NUBPL: variants seen among roughly 807,000 people sequenced by gnomAD.
The protein encoded by NUBPL is iron-sulfur cluster transfer protein NUBPL.
A neutral mutation model predicts 45.7 loss-of-function variants in NUBPL; 31 were observed. The observed-to-expected ratio is 0.68, with a 90% CI of 0.51 to 0.92. NUBPL has a LOEUF of 0.92. NUBPL is among the 40% of genes least tolerant of loss of function. NUBPL has a pLI of 0.00. For synonymous variants in NUBPL, 144 were observed against 140.9 expected (o/e 1.02, Z -0.15); for missense variants, 401 against 398.7 (o/e 1.01, Z -0.05).
chr14:31,697,044 A>G (rs1317275859), intron 6 of NUBPL, among the ~76,000 whole-genome samples: 1 of 152,238 alleles, frequency 6.6e-6, no homozygotes, highest in East Asian at 1.9e-4. Context: ...TTCAAATATA[A>G]AGCAAAGATG....
intron 4 of NUBPL, among the ~76,000 whole-genome samples, chr14:31,627,083 C>T (rs927885851): frequency 1.3e-5 from 2 of 152,150 alleles, no homozygotes; most frequent in Admixed American, 6.5e-5. Flanking sequence ...GAACAAAGTA[C>T]TTTAAACTCT....
intron 4 of NUBPL, among the ~76,000 whole-genome samples, chr14:31,604,636 T>C (rs988155824): frequency 1.3e-5 from 2 of 152,188 alleles, no homozygotes; most frequent in African/African-American, 4.8e-5. Flanking sequence ...TGACAATTTG[T>C]TCATTTTAAA....
chr14:31,659,527 G>C lies in NUBPL; in HGVS notation c.383-13828G>C, dbSNP rs1023421468. 2.0e-5 allele frequency among the ~76,000 whole-genome samples: 3 copies of C among 152,256 alleles called. No homozygotes were observed. In the East Asian group the frequency reaches 5.8e-4, roughly 29 times the overall value. On this transcript the variant is annotated intron_variant, in intron 4 of 10. Coordinates refer to ENST00000281081, the MANE Select transcript of NUBPL (RefSeq NM_025152.3). The stretch of plus-strand genomic sequence containing the variant: ...TTTATTATCTTTACTTTAAGTCCTA[G>C]TATGTCTTATTTGTTTCTAGCCTTC...
rs181976285 is a variant in NUBPL, at chr14:31,856,862, G to A, written c.898-2256G>A. On this transcript the variant is annotated intron_variant, in intron 10 of 10. Transcript: ENST00000281081. ...TAGCCTCCCTCCCGGCTGCCTTCAT[G>A]GTTTGGCGTTGAGTTTCTGCAGCTT... Among the ~76,000 whole-genome samples, 584 of 152,256 alleles carry A rather than the reference G, an allele frequency of 3.8e-3. 1 individual carries two copies. The highest frequency in any genetic ancestry group is 5.7e-3 in the Non-Finnish European group (388 of 68,020).
At chr14:31,834,178 C>CTTTTTTTTTTT in intron 8 of NUBPL, among the ~76,000 whole-genome samples, 1 of 107,018 alleles carries the variant, frequency 9.3e-6, no homozygotes, top group Non-Finnish European at 1.8e-5. Context: ...TGGCCTGGAA[C>CTTTTTTTTTTT]TTTTTTTTTT....
intron 3 of NUBPL, among the ~76,000 whole-genome samples, chr14:31,587,602 T>G (rs1415318040): frequency 6.6e-6 from 1 of 152,250 alleles, no homozygotes; most frequent in South Asian, 2.1e-4. Flanking sequence ...GCTTACTATC[T>G]GTTATTTTCT....
At chr14:31,788,242 G>T (rs992988483) in intron 7 of NUBPL, among the ~76,000 whole-genome samples, 1 of 152,156 alleles carries the variant, frequency 6.6e-6, no homozygotes, top group South Asian at 2.1e-4. Flanking sequence ...TAGCAGCAAG[G>T]GTTAAGTAGT....
At chr14:31,770,945 A>G (rs1056445178) in intron 6 of NUBPL, among the ~76,000 whole-genome samples, 22 of 152,218 alleles carry the variant, frequency 1.4e-4, no homozygotes, top group African/African-American at 5.3e-4. Context: ...TAATCTTTAC[A>G]TTTAAAAATA....
At chr14:31,669,816 T>TTTTTTC (rs2036530812) in intron 4 of NUBPL, among the ~76,000 whole-genome samples, 1 of 148,984 alleles carries the variant, frequency 6.7e-6, no homozygotes, top group Admixed American at 6.7e-5. Context: ...TTTGTTTTTT[T>TTTTTTC]TTTTTTACGG....
At chr14:31,712,595 G>T (rs543074608) in intron 6 of NUBPL, among the ~76,000 whole-genome samples, 1 of 152,230 alleles carries the variant, frequency 6.6e-6, no homozygotes, top group Non-Finnish European at 1.5e-5. Context: ...GCACAGTGGC[G>T]GGCTGAAGCG....
At position 31,779,270 on chromosome 14, in the gene NUBPL, G is replaced by A. The variant is rs549953410; in HGVS notation, c.514-8510G>A. 2.3e-4 allele frequency among the ~76,000 whole-genome samples: 35 copies of A among 152,048 alleles called. 1 individual carries two copies. Among genetic ancestry groups the A allele is most frequent in the Middle Eastern group, 6.8e-3 (2 of 294 alleles). ...GGAGAATCTCTTGAACCCGGGAGGC[G>A]GAGGTTGCAGTGAGCCGAGATGGCG... On this transcript the variant is annotated intron_variant, in intron 6 of 10. Transcript: ENST00000281081.
chr14:31,653,644 CAT>C (rs750762693), intron 4 of NUBPL, among the ~76,000 whole-genome samples: 40 of 152,278 alleles, frequency 2.6e-4, no homozygotes, highest in Non-Finnish European at 5.1e-4. Context: ...TTCAAACGCA[CAT>C]GTTTTACAGT....
At chr14:31,739,947 G>A (rs2038248405) in intron 6 of NUBPL, among the ~76,000 whole-genome samples, 1 of 152,142 alleles carries the variant, frequency 6.6e-6, no homozygotes, top group Non-Finnish European at 1.5e-5. Flanking sequence ...TCACTTAGCA[G>A]TAGCATTTAA....
At chr14:31,706,281 T>C (rs2037450306) in intron 6 of NUBPL, among the ~76,000 whole-genome samples, 1 of 152,178 alleles carries the variant, frequency 6.6e-6, no homozygotes, top group African/African-American at 2.4e-5. Flanking sequence ...GGGAGCTCTT[T>C]AGGCCAGTGG....
intron 4 of NUBPL, among the ~76,000 whole-genome samples, chr14:31,652,901 A>G (rs929010576): frequency 6.6e-6 from 1 of 152,110 alleles, no homozygotes; most frequent in African/African-American, 2.4e-5. Flanking sequence ...AGCCGGTCTG[A>G]GAAATAAAGA....
chr14:31,639,737 C>G (rs982170635), intron 4 of NUBPL, among the ~76,000 whole-genome samples: 9 of 152,208 alleles, frequency 5.9e-5, no homozygotes, highest in African/African-American at 2.2e-4. Flanking sequence ...GGGCTCCACC[C>G]AGTTCGAGCT....
intron 7 of NUBPL, among the ~76,000 whole-genome samples, chr14:31,815,293 T>G (rs1190626571): frequency 6.6e-6 from 1 of 152,154 alleles, no homozygotes; most frequent in Non-Finnish European, 1.5e-5. Flanking sequence ...TTTATTCTCT[T>G]TGTAGCAATT....
At chr14:31,749,655 T>C (rs1428463619) in intron 6 of NUBPL, among the ~76,000 whole-genome samples, 2 of 152,200 alleles carry the variant, frequency 1.3e-5, no homozygotes, top group African/African-American at 2.4e-5. Context: ...GTTTTTGATA[T>C]TTTGATTGTA....
At chr14:31,705,948 C>T (rs8009008) in intron 6 of NUBPL, among the ~76,000 whole-genome samples, 38,565 of 152,144 alleles carry the variant, frequency 0.25, 10,343 homozygotes, top group African/African-American at 0.68. Flanking sequence ...GAGTGCTGCA[C>T]GAAGCCCCAG....
Sources: gnomAD v4.1 joint callset for allele counts (sites outside exome capture counted in the v4.1 genomes callset) on GRCh38, gnomAD v4.1.1 for gene constraint, MANE v1.5 for transcripts, NCBI Gene and HGNC (gene_info 2026-07-23, HGNC 2026-07-21) for gene names.